PGBD5: variants seen among roughly 807,000 people sequenced by gnomAD.
The protein encoded by PGBD5 is piggyBac transposable element-derived protein 5.
Under a neutral mutation model 47.9 loss-of-function variants are expected in PGBD5, and 14 were observed. The observed-to-expected ratio is 0.29, with a 90% CI of 0.19 to 0.46. PGBD5 has a LOEUF of 0.46. Among genes scored for constraint, PGBD5 ranks in the 20% least tolerant of loss-of-function variants. The pLI, the probability that PGBD5 is intolerant of heterozygous loss-of-function variation, is 1.00. For missense variants in PGBD5, 635 were observed against 716.0 expected (o/e 0.89, Z 1.29); for synonymous variants, 316 against 306.3 (o/e 1.03, Z -0.33).
At chr1:230,363,904 T>C (rs1667787173) in intron 1 of PGBD5, among the ~76,000 whole-genome samples, 1 of 152,158 alleles carries the variant, frequency 6.6e-6, no homozygotes, top group Non-Finnish European at 1.5e-5. Flanking sequence ...ACAGCCAATC[T>C]CGTTGTTTTC....
chr1:230,330,844 G>A lies in PGBD5; in HGVS notation c.1273+2000C>T, dbSNP rs1354562572. ...TTATGATGTAAAATAGAATACTTTG[G>A]ATCCAGAAATTGTAAGTACATTAAA... On this transcript the variant is annotated intron_variant, in intron 5 of 6. Transcript: ENST00000391860. Among the ~76,000 whole-genome samples, 4 of 152,276 alleles carry A rather than the reference G, an allele frequency of 2.6e-5. No individual in the cohort carries two copies. In the South Asian group the frequency reaches 8.3e-4, roughly 32 times the overall value.
At chr1:230,383,621 C>T (rs1391734466) in intron 1 of PGBD5, among the ~76,000 whole-genome samples, 7 of 152,120 alleles carry the variant, frequency 4.6e-5, no homozygotes, top group Admixed American at 4.6e-4. Flanking sequence ...TCCTCCCACC[C>T]CACCGCATCC....
rs542346072 is a variant in PGBD5 at position 230,409,206 on chromosome 1, T to C, written c.331+16392A>G. On this transcript the variant is annotated intron_variant, in intron 1 of 6. Transcript: ENST00000391860. ...AGGCTGGAATCAAAACAACAGGCATTAACAAGTGCTGACAAGAATATGAAG... is the reference window on the plus strand; with the variant it reads ...AGGCTGGAATCAAAACAACAGGCATCAACAAGTGCTGACAAGAATATGAAG... 1.4e-4 allele frequency among the ~76,000 whole-genome samples: 22 copies of C among 152,284 alleles called. No homozygotes were observed. In the South Asian group the frequency reaches 4.6e-3, roughly 32 times the overall value.
chr1:230,422,209 A>G (rs1195898627), intron 1 of PGBD5, among the ~76,000 whole-genome samples: 4 of 152,090 alleles, frequency 2.6e-5, no homozygotes, highest in African/African-American at 7.2e-5. Flanking sequence ...AGCCATGACA[A>G]AGGACTGACA....
chr1:230,396,154 C>T (rs868273214), intron 1 of PGBD5, among the ~76,000 whole-genome samples: 1 of 130,258 alleles, frequency 7.7e-6, no homozygotes, highest in East Asian at 2.5e-4. Context: ...ATCCCTTTTA[C>T]TCCCACACTC....
In PGBD5 at chr1:230,366,114, C is replaced by T. The variant is rs543644667; in HGVS notation, c.332-8793G>A. Among the ~76,000 whole-genome samples the T allele has an allele frequency of 2.0e-4, 30 of 150,800 alleles. No individual in the cohort carries two copies. The South Asian group carries it at 6.2e-3, about 31-fold the overall frequency. ...ACTAAAAGGCCAGGAGGGGACAGGG[C>T]TAATCCATGGCAATTTGTGAGTCCT... On this transcript the variant is annotated intron_variant, in intron 1 of 6. Transcript: ENST00000391860.
At chr1:230,398,368 G>A (rs865949765) in intron 1 of PGBD5, among the ~76,000 whole-genome samples, 6 of 151,288 alleles carry the variant, frequency 4.0e-5, no homozygotes, top group Middle Eastern at 3.2e-3. Context: ...CCATGTCTTC[G>A]CATGGGCTCC....
chr1:230,381,834 C>CATGCTGGG (rs1208376301), intron 1 of PGBD5, among the ~76,000 whole-genome samples: 31 of 152,224 alleles, frequency 2.0e-4, no homozygotes, highest in African/African-American at 7.5e-4. Flanking sequence ...TTCACCCCAG[C>CATGCTGGG]ATGCTGGGAT....
chr1:230,393,025 G>C (rs60027252), intron 1 of PGBD5, among the ~76,000 whole-genome samples: 3 of 150,398 alleles, frequency 2.0e-5, no homozygotes, highest in African/African-American at 7.4e-5. Flanking sequence ...AAAGGAAAGG[G>C]GGAGAGGGAG....
chr1:230,333,320 G>A lies in PGBD5; in HGVS notation c.1076-279C>T, dbSNP rs950807326. Among the ~76,000 whole-genome samples the A allele has an allele frequency of 4.6e-5, 7 of 152,120 alleles. No individual in the cohort carries two copies. The South Asian group carries it at 1.2e-3, about 27-fold the overall frequency. ...AGGGCTACAGCACAAGCAATGGATC[G>A]GCAGCAGCAGCAGGAGCTGTCACCT... On this transcript the variant is annotated intron_variant, in intron 4 of 6. Coordinates refer to ENST00000391860, the MANE Select transcript of PGBD5 (RefSeq NM_001258311.2).
At chr1:230,388,560 C>T (rs77301186) in intron 1 of PGBD5, among the ~76,000 whole-genome samples, 5 of 152,040 alleles carry the variant, frequency 3.3e-5, no homozygotes, top group African/African-American at 4.8e-5. Context: ...GGACTACAGG[C>T]GCCCGCCACC....
chr1:230,383,437 T>A (rs1656561715), intron 1 of PGBD5, among the ~76,000 whole-genome samples: 1 of 152,040 alleles, frequency 6.6e-6, no homozygotes, highest in South Asian at 2.1e-4. Context: ...CAAACACGCA[T>A]CACTGCAACC....
At chr1:230,377,746 A>G in intron 1 of PGBD5, 2 of 1,397,280 alleles carry the variant, frequency 1.4e-6, no homozygotes, top group Non-Finnish European at 1.9e-6. Flanking sequence ...AATAAAATGA[A>G]ATACTGTGCA....
intron 6 of PGBD5, among the ~76,000 whole-genome samples, chr1:230,324,044 A>C (rs1048308425): frequency 2.0e-5 from 3 of 152,178 alleles, no homozygotes; most frequent in Non-Finnish European, 4.4e-5. Context: ...CCTGCAGGGC[A>C]TTCCCCTGCT....
intron 1 of PGBD5, among the ~76,000 whole-genome samples, chr1:230,363,450 C>T (rs1310186444): frequency 3.3e-5 from 5 of 152,130 alleles, no homozygotes; most frequent in Admixed American, 2.0e-4. Flanking sequence ...GGTGTGGTGG[C>T]GGGCGCCTGT....
intron 1 of PGBD5, among the ~76,000 whole-genome samples, chr1:230,365,646 C>T (rs111413435): frequency 0.01 from 1,569 of 152,284 alleles, 39 homozygotes; most frequent in African/African-American, 0.035. Context: ...TCTGAGGGCA[C>T]GAAGTCAACC....
At chr1:230,400,838 T>C (rs1220287761) in intron 1 of PGBD5, among the ~76,000 whole-genome samples, 3 of 152,222 alleles carry the variant, frequency 2.0e-5, no homozygotes, top group Non-Finnish European at 4.4e-5. Flanking sequence ...CAACACAGCA[T>C]GATCCCATCT....
intron 1 of PGBD5, among the ~76,000 whole-genome samples, chr1:230,378,741 C>A (rs1370294497): frequency 6.6e-6 from 1 of 152,150 alleles, no homozygotes; most frequent in East Asian, 1.9e-4. Context: ...CTCAGCATGG[C>A]CAACATTTCC....
chr1:230,416,884 G>C (rs531833511), intron 1 of PGBD5, among the ~76,000 whole-genome samples: 1 of 152,290 alleles, frequency 6.6e-6, no homozygotes, highest in South Asian at 2.1e-4. Context: ...ACCGGGGCAG[G>C]GGCAGTCAAC....
Sources: allele counts gnomAD v4.1 joint callset (sites outside exome capture counted in the v4.1 genomes callset), GRCh38; gene constraint gnomAD v4.1.1; transcripts MANE v1.5; gene names NCBI Gene and HGNC (gene_info 2026-07-23, HGNC 2026-07-21).